CCDC73: variants seen among roughly 807,000 people sequenced by gnomAD.
The protein encoded by CCDC73 is coiled-coil domain containing 73, also known as coiled-coil domain-containing protein 73.
In CCDC73, 95 loss-of-function variants were observed where a neutral mutation model predicts 116.5. The observed-to-expected ratio is 0.82, with a 90% CI of 0.69 to 0.97. The LOEUF (loss-of-function observed/expected upper bound fraction) is 0.97, where lower values mean the gene tolerates loss of function less well. Among genes scored for constraint, CCDC73 ranks in the 50% least tolerant of loss-of-function variants. The pLI is 0.00. For synonymous variants in CCDC73, 398 were observed against 401.3 expected, an observed-to-expected ratio of 0.99 and a Z score of 0.10; for missense variants, 1,066 against 1,206.8, an observed-to-expected ratio of 0.88 and a Z score of 1.73.
intron 3 of CCDC73, among the ~76,000 whole-genome samples, chr11:32,708,762 G>T (rs907487674): frequency 2.6e-5 from 4 of 152,132 alleles, no homozygotes; most frequent in African/African-American, 9.7e-5. Flanking sequence ...CATTAATTTT[G>T]TATCCTGAAA....
chr11:32,664,012 G>A (rs1855955695), intron 9 of CCDC73, among the ~76,000 whole-genome samples: 1 of 152,190 alleles, frequency 6.6e-6, no homozygotes, highest in Admixed American at 6.5e-5. Flanking sequence ...AACCAACCTT[G>A]CATCCCAGGG....
intron 9 of CCDC73, among the ~76,000 whole-genome samples, chr11:32,659,919 A>C (rs992280801): frequency 8.5e-5 from 13 of 152,178 alleles, no homozygotes; most frequent in Admixed American, 5.9e-4. Flanking sequence ...AAAGAGAAAG[A>C]AAATGTTTCC....
chr11:32,810,495 T>A, the CCDC73 span, among the ~76,000 whole-genome samples: 5 of 152,216 alleles, frequency 3.3e-5, no homozygotes, highest in Non-Finnish European at 7.3e-5. Context: ...ACTAGTAAAT[T>A]GGGTTCCTGA....
chr11:32,719,030 A>G (rs1849968680), intron 2 of CCDC73, among the ~76,000 whole-genome samples: 1 of 152,184 alleles, frequency 6.6e-6, no homozygotes, highest in African/African-American at 2.4e-5. Context: ...AGCATCAAGT[A>G]AAAAGAACAA....
intron 9 of CCDC73, among the ~76,000 whole-genome samples, chr11:32,662,654 G>C (rs1319295652): frequency 6.6e-6 from 1 of 152,018 alleles, no homozygotes; most frequent in East Asian, 1.9e-4. Flanking sequence ...TCACTCTGAT[G>C]GTAGTTTCTT....
At chr11:32,811,959 T>G in the CCDC73 span, among the ~76,000 whole-genome samples, 1 of 152,184 alleles carries the variant, frequency 6.6e-6, no homozygotes, top group African/African-American at 2.4e-5. Context: ...CTTTTTTTTT[T>G]TCTTTTTTGG....
intron 9 of CCDC73, among the ~76,000 whole-genome samples, chr11:32,672,142 G>C (rs773520919): frequency 1.1e-4 from 17 of 152,140 alleles, no homozygotes; most frequent in Non-Finnish European, 2.2e-4. Flanking sequence ...AGGAGTTTGA[G>C]AACAGCCTGG....
intron 14 of CCDC73, among the ~76,000 whole-genome samples, chr11:32,630,331 T>C (rs1264634787): frequency 6.6e-6 from 1 of 152,170 alleles, no homozygotes; most frequent in Non-Finnish European, 1.5e-5. Flanking sequence ...TTGTTTGTTT[T>C]GTTTTGTTTT....
intron 2 of CCDC73, among the ~76,000 whole-genome samples, chr11:32,756,794 T>C (rs897676624): frequency 2.6e-5 from 4 of 152,064 alleles, no homozygotes; most frequent in African/African-American, 9.7e-5. Flanking sequence ...TTTAATTGTA[T>C]CAATCTTTTT....
intron 16 of CCDC73, 82 bp downstream of exon 16, chr11:32,613,340 T>A: frequency 8.3e-7 from 1 of 1,200,240 alleles, no homozygotes; most frequent in Non-Finnish European, 1.2e-6. Flanking sequence ...TAAAACAAAA[T>A]TTACAAAATA....
chr11:32,820,822 T>C, the CCDC73 span, among the ~76,000 whole-genome samples: 1 of 152,208 alleles, frequency 6.6e-6, no homozygotes, highest in Non-Finnish European at 1.5e-5. Context: ...TCATTTTGAT[T>C]CCTAGTGAAG....
At chr11:32,640,989 C>A (rs1400136148) in intron 13 of CCDC73, among the ~76,000 whole-genome samples, 1 of 151,056 alleles carries the variant, frequency 6.6e-6, no homozygotes, top group Non-Finnish European at 1.5e-5. Context: ...GCACTCTAGC[C>A]TGGGGGACAG....
intron 3 of CCDC73, among the ~76,000 whole-genome samples, chr11:32,705,163 C>T (rs13377413): frequency 0.012 from 1,831 of 152,324 alleles, 37 homozygotes; most frequent in African/African-American, 0.042. Flanking sequence ...CCAGGAGCCG[C>T]GGGCTGAAGC....
chr11:32,619,194 T>C (rs776818033), intron 14 of CCDC73, among the ~76,000 whole-genome samples: 35 of 152,350 alleles, frequency 2.3e-4, no homozygotes, highest in African/African-American at 6.5e-4. Flanking sequence ...TCAATTTTTG[T>C]TTTTGTTGCA....
upstream of CCDC73, among the ~76,000 whole-genome samples, chr11:32,799,437 C>T (rs1850752830): frequency 6.6e-6 from 1 of 151,158 alleles, no homozygotes; most frequent in Non-Finnish European, 1.5e-5. Flanking sequence ...ATCATATTTC[C>T]CAGCCTGGTC....
intron 6 of CCDC73, among the ~76,000 whole-genome samples, chr11:32,691,374 T>A (rs529362414): frequency 6.6e-6 from 1 of 152,124 alleles, no homozygotes. Flanking sequence ...ACTGCCTCCA[T>A]CATTTTGCCT....
intron 17 of CCDC73, chr11:32,603,231 T>TAA: frequency 2.2e-6 from 1 of 451,700 alleles, no homozygotes; most frequent in Non-Finnish European, 3.9e-6. Flanking sequence ...ATAACTGAAG[T>TAA]AAAGTGTACA....
At chr11:32,735,740 C>T (rs1050908731) in intron 2 of CCDC73, among the ~76,000 whole-genome samples, 14 of 152,264 alleles carry the variant, frequency 9.2e-5, no homozygotes, top group African/African-American at 2.6e-4. Context: ...GGAGGCATCA[C>T]GCTACCTGAC....
chr11:32,830,366 G>C, the CCDC73 span: 1 of 844,198 alleles, frequency 1.2e-6, no homozygotes. Context: ...GGCGCGCGTC[G>C]GGTTCCGGCG....
Sources: allele counts gnomAD v4.1 joint callset (sites outside exome capture counted in the v4.1 genomes callset), GRCh38; gene constraint gnomAD v4.1.1; transcripts MANE v1.5; gene names NCBI Gene and HGNC (gene_info 2026-07-23, HGNC 2026-07-21).